The following MAPK4 variants were observed in gnomAD, a reference collection of about 807,000 sequenced individuals.
MAPK4 encodes the protein mitogen-activated protein kinase 4, also known as Erk3-related.
MAPK4 carries 22 observed loss-of-function variants against 47.7 expected under a neutral mutation model. The ratio of observed to expected loss-of-function variants is 0.46; its 90% CI spans 0.33 to 0.66. MAPK4 has a LOEUF of 0.66. Among genes scored for constraint, MAPK4 ranks in the 30% least tolerant of loss-of-function variants. The pLI is 0.02. For missense variants in MAPK4, 736 were observed against 831.7 expected, an observed-to-expected ratio of 0.88 and a Z score of 1.42; for synonymous variants, 390 against 365.7, an observed-to-expected ratio of 1.07 and a Z score of -0.76.
intron 1 of MAPK4, among the ~76,000 whole-genome samples, chr18:50,618,384 C>T (rs8084255): frequency 0.35 from 53,067 of 151,986 alleles, 9,475 homozygotes; most frequent in Middle Eastern, 0.38. Flanking sequence ...CTTGATACCC[C>T]CAAATAATAG....
chr18:50,582,981 T>C (rs986693323), intron 1 of MAPK4, among the ~76,000 whole-genome samples: 2 of 152,202 alleles, frequency 1.3e-5, no homozygotes, highest in Admixed American at 6.5e-5. Flanking sequence ...CTTTCTACCA[T>C]AGTCTGGTGA....
At chr18:50,592,504 G>A (rs747972325) in intron 1 of MAPK4, among the ~76,000 whole-genome samples, 11 of 87,216 alleles carry the variant, frequency 1.3e-4, no homozygotes, top group Non-Finnish European at 1.8e-4. Context: ...GCCAACTCAC[G>A]TGAACCAATT....
At chr18:50,723,932 G>A (rs1010053010) in intron 4 of MAPK4, among the ~76,000 whole-genome samples, 1 of 151,946 alleles carries the variant, frequency 6.6e-6, no homozygotes, top group Non-Finnish European at 1.5e-5. Context: ...CTGGGGACCT[G>A]CAGGAGGATC....
intron 3 of MAPK4, among the ~76,000 whole-genome samples, chr18:50,719,344 G>A (rs1352501058): frequency 1.4e-5 from 2 of 147,742 alleles, no homozygotes; most frequent in Non-Finnish European, 3.0e-5. Context: ...GACACAAAAG[G>A]GTTAAAAACA....
intron 1 of MAPK4, among the ~76,000 whole-genome samples, chr18:50,652,081 A>C (rs563750453): frequency 2.3e-4 from 35 of 152,266 alleles, no homozygotes; most frequent in African/African-American, 7.9e-4. Flanking sequence ...TTCTCTCATG[A>C]GTAAGTGGGC....
intron 3 of MAPK4, among the ~76,000 whole-genome samples, chr18:50,716,793 C>G (rs1326387312): frequency 6.6e-6 from 1 of 150,410 alleles, no homozygotes; most frequent in Non-Finnish European, 1.5e-5. Context: ...TCAGCCTGCC[C>G]TGCTTCTCCT....
intron 3 of MAPK4, among the ~76,000 whole-genome samples, chr18:50,715,714 T>TA (rs1281403764): frequency 6.6e-6 from 1 of 152,218 alleles, no homozygotes; most frequent in Non-Finnish European, 1.5e-5. Context: ...GCCAGCTCCT[T>TA]AATATTGGAT....
At chr18:50,567,730 T>TTGTGTG (rs10551391) in intron 1 of MAPK4, among the ~76,000 whole-genome samples, 6 of 149,198 alleles carry the variant, frequency 4.0e-5, no homozygotes, top group South Asian at 2.1e-4. Flanking sequence ...TTATAGGACT[T>TTGTGTG]TGTGTGTGTG....
intron 1 of MAPK4, among the ~76,000 whole-genome samples, chr18:50,642,590 G>A (rs187028191): frequency 6.6e-6 from 1 of 152,312 alleles, no homozygotes; most frequent in East Asian, 1.9e-4. Context: ...TAAACACAGG[G>A]AAGCATGAGT....
At chr18:50,625,706 G>T (rs1030130310) in intron 1 of MAPK4, among the ~76,000 whole-genome samples, 1 of 152,130 alleles carries the variant, frequency 6.6e-6, no homozygotes. Flanking sequence ...GATTGGTGAG[G>T]TCTGAAGTTT....
At chr18:50,666,733 T>G (rs1907622016) in intron 2 of MAPK4, among the ~76,000 whole-genome samples, 1 of 152,162 alleles carries the variant, frequency 6.6e-6, no homozygotes, top group Non-Finnish European at 1.5e-5. Context: ...GCCCAGTAGG[T>G]GCTCACATCA....
chr18:50,720,463 C>T (rs931843645), intron 3 of MAPK4, among the ~76,000 whole-genome samples: 1 of 152,114 alleles, frequency 6.6e-6, no homozygotes, highest in African/African-American at 2.4e-5. Context: ...TCTTGCTTTC[C>T]GCCCCAGGCC....
chr18:50,646,196 T>C (rs768761541), intron 1 of MAPK4, among the ~76,000 whole-genome samples: 1 of 152,092 alleles, frequency 6.6e-6, no homozygotes, highest in Non-Finnish European at 1.5e-5. Flanking sequence ...AAGCCAGAGG[T>C]TCTCAACTGT....
intron 1 of MAPK4, among the ~76,000 whole-genome samples, chr18:50,643,865 C>T (rs1405327338): frequency 6.6e-6 from 1 of 152,198 alleles, no homozygotes; most frequent in Non-Finnish European, 1.5e-5. Context: ...ACTGTGCAGT[C>T]TGGGCCAAGA....
At chr18:50,640,973 A>G (rs2042936266) in intron 1 of MAPK4, among the ~76,000 whole-genome samples, 1 of 152,202 alleles carries the variant, frequency 6.6e-6, no homozygotes, top group Admixed American at 6.5e-5. Flanking sequence ...TTGCAAATTC[A>G]CAAATCAGCG....
chr18:50,638,556 C>T (rs2042909880), intron 1 of MAPK4, among the ~76,000 whole-genome samples: 1 of 152,158 alleles, frequency 6.6e-6, no homozygotes, highest in Non-Finnish European at 1.5e-5. Flanking sequence ...GACCACCTAT[C>T]CAAAGTCACA....
intron 1 of MAPK4, among the ~76,000 whole-genome samples, chr18:50,627,807 C>G (rs1019685121): frequency 6.6e-6 from 1 of 152,132 alleles, no homozygotes; most frequent in Non-Finnish European, 1.5e-5. Context: ...AGGCCACATC[C>G]GAGACCTGGC....
chr18:50,594,933 A>G (rs1307433557), intron 1 of MAPK4, among the ~76,000 whole-genome samples: 1 of 152,230 alleles, frequency 6.6e-6, no homozygotes, highest in Admixed American at 6.5e-5. Context: ...AAGACATTTG[A>G]TCTACAATTG....
chr18:50,686,134 T>C (rs1020143657), intron 2 of MAPK4, among the ~76,000 whole-genome samples: 1 of 152,082 alleles, frequency 6.6e-6, no homozygotes, highest in East Asian at 1.9e-4. Context: ...GTGTTACTCT[T>C]TGGTTTTTAA....
Sources: gnomAD v4.1 joint callset for allele counts (sites outside exome capture counted in the v4.1 genomes callset) on GRCh38, gnomAD v4.1.1 for gene constraint, MANE v1.5 for transcripts, NCBI Gene and HGNC (gene_info 2026-07-23, HGNC 2026-07-21) for gene names.